PAPLN: variants seen among roughly 807,000 people sequenced by gnomAD.
PAPLN encodes the protein papilin, proteoglycan like sulfated glycoprotein, also known as papilin.
Under a neutral mutation model 159.0 loss-of-function variants are expected in PAPLN, and 146 were observed. The observed-to-expected ratio is 0.92, with a 90% CI of 0.80 to 1.05. The LOEUF (loss-of-function observed/expected upper bound fraction) is 1.05. Among genes scored for constraint, PAPLN ranks in the 50% least tolerant of loss-of-function variants. The pLI, the probability that PAPLN is intolerant of heterozygous loss-of-function variation, is 0.00. For synonymous variants in PAPLN, 734 were observed against 702.9 expected (o/e 1.04, Z -0.70); for missense variants, 1,720 against 1,743.9 (o/e 0.99, Z 0.24).
chr14:73,240,219 G>A (rs1243902603), intron 2 of PAPLN, among the ~76,000 whole-genome samples: 1 of 151,970 alleles, frequency 6.6e-6, no homozygotes, highest in Non-Finnish European at 1.5e-5. Flanking sequence ...TCCCTAAGCT[G>A]GGGTGTTTTG....
intron 19 of PAPLN, 48 bp from the exon 20 acceptor site, chr14:73,263,597 G>A: frequency 6.2e-7 from 1 of 1,611,982 alleles, no homozygotes; most frequent in Non-Finnish European, 8.5e-7. Context: ...GGTGGTTCTG[G>A]TCCTGGCGCT....
chr14:73,269,092 GTCCACTCTAA>G (rs1311259381), intron 26 of PAPLN, among the ~76,000 whole-genome samples: 1 of 152,154 alleles, frequency 6.6e-6, no homozygotes, highest in African/African-American at 2.4e-5. Flanking sequence ...ACTAAAATCT[GTCCACTCTAA>G]TCCACTCTAA....
At chr14:73,263,984 G>C in intron 20 of PAPLN, 1 of 1,432,896 alleles carries the variant, frequency 7.0e-7, no homozygotes, top group Non-Finnish European at 9.4e-7. Flanking sequence ...AGGTGTGTGT[G>C]ACAGCCCCCC....
chr14:73,262,328 A>T, intron 18 of PAPLN, 22 bp from the exon 19 acceptor site: 1 of 1,589,998 alleles, frequency 6.3e-7, no homozygotes. Context: ...TCAGTGACTT[A>T]TATCACACCC....
intron 26 of PAPLN, among the ~76,000 whole-genome samples, chr14:73,271,074 T>C (rs988163058): frequency 2.0e-5 from 3 of 152,068 alleles, no homozygotes; most frequent in African/African-American, 7.3e-5. Context: ...CATAAAGGGC[T>C]TAAGCAACTT....
In PAPLN at chr14:73,251,002, C is replaced by T. The variant is rs765518343; in HGVS notation, c.561C>T (p.Gly187=). Reference sequence around the variant, plus strand: ...GCACGACCTGCTACCCCGTCGCAGGCACCTTTGACGCTAATGACCTCAGCC... The same window carrying T: ...GCACGACCTGCTACCCCGTCGCAGGTACCTTTGACGCTAATGACCTCAGCC... ...GDGTTCYPVA[G]TFDANDLSRG... is the part of the protein sequence containing the mutation. Residue 187 remains glycine, a synonymous_variant, in exon 7 of 27, where the codon GGC becomes GGT. Transcript: ENST00000644200. The T allele has an allele frequency of 1.9e-6, 3 of 1,613,214 alleles. No individual in the cohort carries two copies. The South Asian group carries it at 3.3e-5, about 18-fold the overall frequency.
intron 3 of PAPLN, 123 bp downstream of exon 3, chr14:73,244,882 A>G (rs79255724): frequency 0.011 from 7,840 of 698,662 alleles, 176 homozygotes; most frequent in East Asian, 0.054. Context: ...CCCACCAAGG[A>G]GCAGATTCAT....
intron 26 of PAPLN, among the ~76,000 whole-genome samples, chr14:73,269,115 C>T (rs902846556): frequency 3.3e-5 from 5 of 152,182 alleles, no homozygotes; most frequent in Non-Finnish European, 7.4e-5. Flanking sequence ...CACTCTAAAC[C>T]ACTAAAATCT....
chr14:73,251,010 A>G lies in PAPLN; in HGVS notation c.569A>G (p.Asp190Gly), dbSNP rs1885189034. 1.9e-6 allele frequency: 3 copies of G among 1,613,048 alleles called. No homozygotes were observed. The highest frequency in any genetic ancestry group is 1.7e-5 in the Admixed American group (1 of 59,964). ...TGCTACCCCGTCGCAGGCACCTTTG[A>G]CGCTAATGACCTCAGCCGAGGTGGG... ...TTCYPVAGTF[D>G]ANDLSRGYNQ... Residue 190 changes from aspartate to glycine, a missense_variant, in exon 7 of 27, where the codon GAC becomes GGC. Physicochemically the swap from Asp to Gly is moderately conservative, Grantham distance 94. Coordinates refer to ENST00000644200, the MANE Select transcript of PAPLN (RefSeq NM_001365906.3).
At chr14:73,242,458 C>T (rs1883671473) in intron 2 of PAPLN, among the ~76,000 whole-genome samples, 1 of 152,184 alleles carries the variant, frequency 6.6e-6, no homozygotes, top group Admixed American at 6.5e-5. Flanking sequence ...TAATTGACAA[C>T]CAGGCCCAAC....
intron 16 of PAPLN, 22 bp from the exon 17 acceptor site, chr14:73,260,687 G>T: frequency 6.9e-7 from 1 of 1,441,646 alleles, no homozygotes; most frequent in Non-Finnish European, 9.1e-7. Context: ...GGGCAGTGAG[G>T]GGCTGTGTGA....
rs1288014273 is a variant in PAPLN, at chr14:73,272,958, T to C, written c.*294T>C. 6 of 264,930 alleles carry C rather than the reference T, an allele frequency of 2.3e-5. No individual in the cohort carries two copies. Among genetic ancestry groups the C allele is most frequent in the Non-Finnish European group, 4.2e-5 (6 of 142,106 alleles). 16.4% of individuals were successfully genotyped at this position (264,930 alleles called of 1,614,324 possible). A position where few individuals can be genotyped will look rare whatever the true frequency, so the allele number is the denominator to read the frequency against. ...CTTTACAGCTTCCCTTTATAATTTG[T>C]TACACAGGAATAGTTAAATGCATTT... On this transcript the variant is annotated 3_prime_UTR_variant, in exon 27 of 27. Transcript: ENST00000644200.
intron 4 of PAPLN, 59 bp from the exon 5 acceptor site, chr14:73,246,014 G>T: frequency 1.4e-6 from 2 of 1,438,948 alleles, no homozygotes; most frequent in Non-Finnish European, 1.8e-6. Context: ...GGCGGGGCGG[G>T]AGGTGGGCGG....
chr14:73,239,409 T>A (rs990950704), intron 1 of PAPLN, among the ~76,000 whole-genome samples: 1 of 152,280 alleles, frequency 6.6e-6, no homozygotes, highest in Non-Finnish European at 1.5e-5. Context: ...ATAGCTTTTT[T>A]AAAAGGAATC....
chr14:73,251,227 CCTG>C (rs1310693896), intron 7 of PAPLN, among the ~76,000 whole-genome samples, 197 bp downstream of exon 7: 3 of 152,190 alleles, frequency 2.0e-5, no homozygotes, highest in African/African-American at 7.2e-5. Context: ...AGTCCCATCT[CCTG>C]CTGCCACCGC....
rs1213751561 is a variant in PAPLN at position 73,261,287 on chromosome 14, C to T, written c.2238C>T (p.Pro746=). The change falls in exon 18 of 27, where the codon CCC becomes CCT. Residue 746 remains proline, a synonymous_variant. Coordinates refer to ENST00000644200, the MANE Select transcript of PAPLN (RefSeq NM_001365906.3). ...TTGGGGAAGGCTGTGTGGGCCAGCC[C>T]AGCCATGGTGAGTGGACACCCCCTC... ...GPLGEGCVGQ[P]SHAYPVRCLL... is the part of the protein sequence containing the mutation. 5 of 1,613,614 alleles carry T rather than the reference C, an allele frequency of 3.1e-6. No individual in the cohort carries two copies. The highest frequency in any genetic ancestry group is 1.7e-5 in the Admixed American group (1 of 59,990).
chr14:73,260,647 C>G, intron 16 of PAPLN, 62 bp from the exon 17 acceptor site: 1 of 1,381,554 alleles, frequency 7.2e-7, no homozygotes. Flanking sequence ...GAGCCTGGGT[C>G]CTGGGATGCA....
In PAPLN at chr14:73,262,627, C is replaced by T. The variant is rs371503751; in HGVS notation, c.2523C>T (p.His841=). Residue 841 remains histidine, a synonymous_variant, in exon 19 of 27, where the codon CAC becomes CAT. Coordinates refer to ENST00000644200, the MANE Select transcript of PAPLN (RefSeq NM_001365906.3). ...SPAGEQEPSQ[H]RTGAAVQRKP... ...CAGGCGAGCAGGAACCCAGCCAGCA[C>T]AGGACAGGGGCCGCGGTGCAGAGAA... The T allele has an allele frequency of 4.5e-6, 7 of 1,539,232 alleles. No homozygotes were observed. In the African/African-American group the frequency reaches 9.5e-5, roughly 21 times the overall value.
In PAPLN at chr14:73,246,059, C is replaced by T. The variant is rs999291925; in HGVS notation, c.232-14C>T. 2.6e-6 allele frequency: 4 copies of T among 1,526,194 alleles called. No individual in the cohort carries two copies. Among genetic ancestry groups the T allele is most frequent in the Non-Finnish European group, 3.5e-6 (4 of 1,140,728 alleles). The allele number at this position is 1,526,194 out of a possible 1,614,324, so 94.5% of individuals were successfully genotyped here. A position where few individuals can be genotyped will look rare whatever the true frequency, so the allele number is the denominator to read the frequency against. ...TCCGCCCTCCTGGATCCCGACTTCCCCTCCGCCCCGCAGAGCTGCCCCGAC... is the reference window on the plus strand; with the variant it reads ...TCCGCCCTCCTGGATCCCGACTTCCTCTCCGCCCCGCAGAGCTGCCCCGAC... On this transcript the variant is annotated splice_polypyrimidine_tract_variant and intron_variant, in intron 4 of 26. Transcript: ENST00000644200.
Sources: allele counts gnomAD v4.1 joint callset (sites outside exome capture counted in the v4.1 genomes callset), GRCh38; gene constraint gnomAD v4.1.1; transcripts MANE v1.5; gene names NCBI Gene and HGNC (gene_info 2026-07-23, HGNC 2026-07-21).